The following CC2D2A variants were observed in gnomAD, a reference collection of about 807,000 sequenced individuals.
CC2D2A encodes the protein coiled-coil and C2 domain-containing protein 2A.
A neutral mutation model predicts 212.9 loss-of-function variants in CC2D2A; 155 were observed. The ratio of observed to expected loss-of-function variants is 0.73; its 90% confidence interval spans 0.64 to 0.83. The LOEUF is 0.83. Among genes scored for constraint, CC2D2A ranks in the 40% least tolerant of loss-of-function variants. The pLI is 0.00. For synonymous variants in CC2D2A, 667 were observed against 686.5 expected (o/e 0.97, Z 0.44); for missense variants, 1,856 against 1,956.2 (o/e 0.95, Z 0.97).
intron 1 of CC2D2A, among the ~76,000 whole-genome samples, chr4:15,474,736 A>C (rs1020627270): frequency 1.3e-5 from 2 of 152,180 alleles, no homozygotes; most frequent in African/African-American, 4.8e-5. Flanking sequence ...TACCCACAAA[A>C]ATTAAAAACT....
chr4:15,558,499 T>C (rs1719402678), intron 21 of CC2D2A, among the ~76,000 whole-genome samples: 2 of 152,116 alleles, frequency 1.3e-5, no homozygotes, highest in Admixed American at 6.5e-5. Flanking sequence ...TTCTTTGATG[T>C]GTTGGCATCA....
chr4:15,524,279 CCCG>C (rs1187816226), intron 11 of CC2D2A, among the ~76,000 whole-genome samples: 4 of 151,268 alleles, frequency 2.6e-5, no homozygotes, highest in African/African-American at 9.7e-5. Flanking sequence ...ATTATAGGCA[CCCG>C]CCACCAAACC....
chr4:15,550,009 C>T (rs1188319365), intron 17 of CC2D2A, among the ~76,000 whole-genome samples: 1 of 152,072 alleles, frequency 6.6e-6, no homozygotes. Flanking sequence ...TCACAGAGAC[C>T]TCATGTACAG....
intron 29 of CC2D2A, 66 bp downstream of exon 29, chr4:15,574,392 A>G (rs1235368436): frequency 7.8e-7 from 1 of 1,282,266 alleles, no homozygotes; most frequent in African/African-American, 1.5e-5. Context: ...TTGCTAGGCT[A>G]TACTTTTATG....
At chr4:15,477,917 T>C (rs1374730823) in intron 2 of CC2D2A, among the ~76,000 whole-genome samples, 1 of 152,222 alleles carries the variant, frequency 6.6e-6, no homozygotes, top group African/African-American at 2.4e-5. Flanking sequence ...ATACTTTGTG[T>C]TCCGAATTTG....
intron 3 of CC2D2A, among the ~76,000 whole-genome samples, chr4:15,480,051 C>T (rs935887183): frequency 2.0e-5 from 3 of 152,170 alleles, no homozygotes; most frequent in South Asian, 2.1e-4. Flanking sequence ...CATCTATTTA[C>T]GTCAGAATCT....
At chr4:15,601,146 AAC>A (rs1491520353) in intron 36 of CC2D2A, 89 bp from the exon 37 acceptor site, 3 of 901,806 alleles carry the variant, frequency 3.3e-6, no homozygotes, top group South Asian at 1.6e-5. Context: ...TGAGATCCAG[AAC>A]ACTTATCTTA....
intron 4 of CC2D2A, among the ~76,000 whole-genome samples, chr4:15,500,650 C>G (rs1037602443): frequency 1.3e-5 from 2 of 152,132 alleles, no homozygotes; most frequent in African/African-American, 2.4e-5. Flanking sequence ...AGGCACAACC[C>G]AAGAAACGGA....
intron 4 of CC2D2A, 90 bp downstream of exon 4, chr4:15,480,917 A>G: frequency 6.9e-7 from 1 of 1,456,954 alleles, no homozygotes; most frequent in East Asian, 2.4e-5. Context: ...TATGGGTGTT[A>G]TTTTTCATGC....
rs1721375828 is a variant in CC2D2A at position 15,597,598 on chromosome 4, A to C, written c.4496+133A>C. ...CTTTAATTCATGTTTATAGATTCCA[A>C]ATACAGATGTGATCTCTAAATCCCA... On this transcript the variant is annotated intron_variant, in intron 35 of 36. Transcript: ENST00000424120. The C allele has an allele frequency of 1.6e-5, 12 of 739,746 alleles. No homozygotes were observed. In the South Asian group the frequency reaches 2.0e-4, roughly 12 times the overall value. The allele number at this position is 739,746 out of a possible 1,614,324, so 45.8% of individuals were successfully genotyped here. A position where few individuals can be genotyped will look rare whatever the true frequency, so the allele number is the denominator to read the frequency against.
At chr4:15,563,220 T>C in intron 23 of CC2D2A, 135 bp from the exon 24 acceptor site, 1 of 796,202 alleles carries the variant, frequency 1.3e-6, no homozygotes, top group Non-Finnish European at 2.0e-6. Flanking sequence ...TCTAGACTAT[T>C]TCCACCCACC....
chr4:15,529,288 A>AGGAGGATCGCTTGAGCCCAAGAGTT (rs1219020799), intron 13 of CC2D2A, among the ~76,000 whole-genome samples: 13 of 152,062 alleles, frequency 8.5e-5, no homozygotes, highest in Admixed American at 6.5e-5. Flanking sequence ...AGGCTGAGGA[A>AGGAGGATCGCTTGAGCCCAAGAGTT]GGAGGATCGC....
At chr4:15,484,767 T>C (rs148142130) in intron 4 of CC2D2A, among the ~76,000 whole-genome samples, 9 of 152,278 alleles carry the variant, frequency 5.9e-5, no homozygotes, top group Admixed American at 2.6e-4. Context: ...AAGGGCAGGT[T>C]TGAAGGTAGA....
chr4:15,527,896 A>G (rs1019669437), intron 12 of CC2D2A, among the ~76,000 whole-genome samples: 5 of 152,242 alleles, frequency 3.3e-5, no homozygotes, highest in Admixed American at 3.3e-4. Flanking sequence ...TGTAAACAGT[A>G]CAGCACCCAC....
At chr4:15,516,064 T>C (rs1242046409) in intron 10 of CC2D2A, 60 bp downstream of exon 10, 1 of 1,444,628 alleles carries the variant, frequency 6.9e-7, no homozygotes, top group African/African-American at 1.4e-5. Flanking sequence ...AGCTTTTATT[T>C]TCCTAACAGG....
chr4:15,479,245 C>T lies in CC2D2A; in HGVS notation c.123+439C>T, dbSNP rs569634807. On this transcript the variant is annotated intron_variant, in intron 3 of 36. Transcript: ENST00000424120. ...CAGAAGCCAACTCCTTTCTCCCGAG[C>T]CTGCTGGCAGATCCTCCCCCACCTC... 2.0e-5 allele frequency: 31 copies of T among 1,537,190 alleles called. No homozygotes were observed. The South Asian group carries it at 3.6e-4, about 18-fold the overall frequency.
chr4:15,487,792 ATT>A (rs34391641), intron 4 of CC2D2A, among the ~76,000 whole-genome samples: 8 of 147,460 alleles, frequency 5.4e-5, no homozygotes, highest in African/African-American at 2.0e-4. Flanking sequence ...TGTTAAAAAA[ATT>A]TTTTTTTTTG....
At chr4:15,558,459 T>C (rs1390843506) in intron 21 of CC2D2A, among the ~76,000 whole-genome samples, 1 of 152,136 alleles carries the variant, frequency 6.6e-6, no homozygotes, top group East Asian at 1.9e-4. Flanking sequence ...CCTGGCCTGC[T>C]ACCAGGACCC....
chr4:15,525,772 G>C (rs939423555), intron 11 of CC2D2A, among the ~76,000 whole-genome samples: 1 of 152,218 alleles, frequency 6.6e-6, no homozygotes, highest in African/African-American at 2.4e-5. Flanking sequence ...AAAGGAACTA[G>C]AGGTCTTTCT....
Sources: allele counts gnomAD v4.1 joint callset (sites outside exome capture counted in the v4.1 genomes callset), GRCh38; gene constraint gnomAD v4.1.1; transcripts MANE v1.5; gene names NCBI Gene and HGNC (gene_info 2026-07-23, HGNC 2026-07-21).